Variants in LARP4B observed in about 807,000 individuals in gnomAD.
LARP4B encodes La ribonucleoprotein 4B.
A neutral mutation model predicts 89.8 loss-of-function variants in LARP4B; 12 were observed. The observed-to-expected ratio is 0.13, with a 90% CI of 0.09 to 0.22. The LOEUF (loss-of-function observed/expected upper bound fraction) is 0.22. Among genes scored for constraint, LARP4B ranks in the 10% least tolerant of loss-of-function variants. The pLI is 1.00. For synonymous variants in LARP4B, 367 were observed against 363.3 expected (o/e 1.01, Z -0.12); for missense variants, 757 against 947.7 (o/e 0.80, Z 2.64).
At chr10:909,703 T>A (rs999264692) in intron 1 of LARP4B, among the ~76,000 whole-genome samples, 3 of 151,860 alleles carry the variant, frequency 2.0e-5, no homozygotes, top group Non-Finnish European at 4.4e-5. Context: ...GAAAATCACT[T>A]CAACCTGGGA....
intron 5 of LARP4B, among the ~76,000 whole-genome samples, chr10:863,301 G>T (rs1826444646): frequency 6.6e-6 from 1 of 150,578 alleles, no homozygotes; most frequent in South Asian, 2.1e-4. Context: ...TCGGCTCACT[G>T]CAAGCTCCGC....
intron 11 of LARP4B, 78 bp downstream of exon 11, chr10:829,307 A>C (rs1224229670): frequency 1.1e-5 from 13 of 1,234,898 alleles, no homozygotes; most frequent in African/African-American, 1.5e-5. Context: ...CTGGCTTCCT[A>C]TTAGATGAGG....
intron 1 of LARP4B, among the ~76,000 whole-genome samples, chr10:901,621 T>A (rs79034880): frequency 0.012 from 1,784 of 152,340 alleles, 33 homozygotes; most frequent in African/African-American, 0.04. Context: ...TTTCGTTTCA[T>A]GTTCTTATAG....
intron 6 of LARP4B, among the ~76,000 whole-genome samples, chr10:843,682 A>C (rs898058216): frequency 9.2e-5 from 14 of 152,136 alleles, no homozygotes; most frequent in Non-Finnish European, 2.9e-5. Flanking sequence ...CTGGGCGACA[A>C]GAGTGAAACT....
At chr10:907,231 C>T (rs1836518006) in intron 1 of LARP4B, among the ~76,000 whole-genome samples, 1 of 152,162 alleles carries the variant, frequency 6.6e-6, no homozygotes, top group Non-Finnish European at 1.5e-5. Context: ...AGTAAAATCT[C>T]AGTAAATACA....
intron 3 of LARP4B, among the ~76,000 whole-genome samples, chr10:878,030 A>T (rs1187866425): frequency 6.6e-6 from 1 of 152,214 alleles, no homozygotes; most frequent in Non-Finnish European, 1.5e-5. Flanking sequence ...CATAAGCCTC[A>T]AAGACTTCTG....
chr10:966,234 T>A, the LARP4B span, among the ~76,000 whole-genome samples: 10 of 152,024 alleles, frequency 6.6e-5, no homozygotes, highest in East Asian at 1.7e-3. Context: ...GCAGGAGGAT[T>A]GATTGAGGCC....
chr10:874,964 G>T (rs1221951673), intron 3 of LARP4B, among the ~76,000 whole-genome samples: 2 of 152,010 alleles, frequency 1.3e-5, no homozygotes, highest in Non-Finnish European at 2.9e-5. Context: ...CAACCCCCAA[G>T]GTAGATACTA....
At chr10:914,742 A>G (rs1755633535) in intron 1 of LARP4B, among the ~76,000 whole-genome samples, 1 of 151,568 alleles carries the variant, frequency 6.6e-6, no homozygotes, top group African/African-American at 2.4e-5. Flanking sequence ...CGGACGTTGC[A>G]GTGAGCCGAG....
chr10:894,649 C>T (rs781055772), intron 1 of LARP4B, among the ~76,000 whole-genome samples: 1 of 152,086 alleles, frequency 6.6e-6, no homozygotes, highest in Non-Finnish European at 1.5e-5. Context: ...TATTGAGTTC[C>T]AACCATAGTA....
chr10:816,678 A>C (rs144048236), intron 15 of LARP4B, among the ~76,000 whole-genome samples: 3 of 152,352 alleles, frequency 2.0e-5, no homozygotes, highest in African/African-American at 7.2e-5. Context: ...TTCTCAAGGC[A>C]CTAATACCTT....
intron 5 of LARP4B, among the ~76,000 whole-genome samples, chr10:856,310 G>A (rs570653756): frequency 6.6e-6 from 1 of 152,080 alleles, no homozygotes; most frequent in South Asian, 2.1e-4. Flanking sequence ...GCACAAACAG[G>A]CACAACACCA....
intron 3 of LARP4B, among the ~76,000 whole-genome samples, chr10:879,982 C>T (rs980779778): frequency 6.0e-5 from 9 of 151,074 alleles, no homozygotes; most frequent in African/African-American, 1.9e-4. Context: ...TCATATTGGT[C>T]AGGCTGGTCT....
rs766285477 is a variant in LARP4B at position 885,768 on chromosome 10, A to G, written c.-39-8T>C. On this transcript the variant is annotated splice_polypyrimidine_tract_variant and splice_region_variant and intron_variant, in intron 1 of 17. Transcript: ENST00000316157. The stretch of plus-strand genomic sequence containing the variant: ...AATGCTAACCTCAGGATGCTGTAAA[A>G]TGGCAAAGACATTAAACAGGTCATT... 5 of 1,454,126 alleles carry G rather than the reference A, an allele frequency of 3.4e-6. No homozygotes were observed. In the Admixed American group the frequency reaches 8.7e-5, roughly 25 times the overall value. The allele number at this position is 1,454,126 out of a possible 1,614,324, so 90.1% of individuals were successfully genotyped here. A position where few individuals can be genotyped will look rare whatever the true frequency, so the allele number is the denominator to read the frequency against.
At chr10:935,732 T>C (rs1334610392), upstream of LARP4B, among the ~76,000 whole-genome samples, 2 of 140,494 alleles carry the variant, frequency 1.4e-5, no homozygotes, top group South Asian at 4.7e-4. Flanking sequence ...CTTTTTTTTT[T>C]TTTTTTTTTT....
intron 1 of LARP4B, among the ~76,000 whole-genome samples, chr10:889,180 A>G (rs982052578): frequency 6.6e-6 from 1 of 152,206 alleles, no homozygotes; most frequent in African/African-American, 2.4e-5. Flanking sequence ...ACTGAGCACT[A>G]TTTGTTGTGC....
At chr10:837,650 G>A (rs1185036735) in intron 7 of LARP4B, among the ~76,000 whole-genome samples, 3 of 152,282 alleles carry the variant, frequency 2.0e-5, no homozygotes, top group East Asian at 1.9e-4. Context: ...CAACACCCAC[G>A]TGCACGGGCA....
chr10:921,826 G>C (rs779355250), intron 1 of LARP4B, among the ~76,000 whole-genome samples: 1 of 152,158 alleles, frequency 6.6e-6, no homozygotes, highest in African/African-American at 2.4e-5. Context: ...TAAATTCATC[G>C]GTGTGTACAA....
At chr10:971,724 G>A in the LARP4B span, 1 of 152,272 alleles carries the variant, frequency 6.6e-6, no homozygotes, top group East Asian at 1.9e-4. Flanking sequence ...CAAGGCGGGA[G>A]GCAAAGTGAA....
Sources: allele counts gnomAD v4.1 joint callset (sites outside exome capture counted in the v4.1 genomes callset), GRCh38; gene constraint gnomAD v4.1.1; transcripts MANE v1.5; gene names NCBI Gene and HGNC (gene_info 2026-07-23, HGNC 2026-07-21).